BACH1: variants seen among roughly 807,000 people sequenced by gnomAD.
BACH1 encodes the protein BTB domain and CNC homolog 1.
BACH1 carries 35 observed loss-of-function variants against 52.9 expected under a neutral mutation model. That is an observed-to-expected ratio of 0.66 (90% CI 0.51 to 0.88). The LOEUF (loss-of-function observed/expected upper bound fraction) is 0.88, where lower values mean the gene tolerates loss of function less well. BACH1 is among the 40% of genes least tolerant of loss of function. The pLI is 0.00. For synonymous variants in BACH1, 321 were observed against 319.6 expected, an observed-to-expected ratio of 1.00 and a Z score of -0.05; for missense variants, 808 against 872.6, an observed-to-expected ratio of 0.93 and a Z score of 0.93.
chr21:29,323,437 C>T (rs1308443314), intron 2 of BACH1, among the ~76,000 whole-genome samples: 5 of 152,170 alleles, frequency 3.3e-5, no homozygotes, highest in Non-Finnish European at 5.9e-5. Flanking sequence ...GTCCAAAGGC[C>T]AAAGAACCTG....
In BACH1 at chr21:29,327,505, A is replaced by G; in HGVS notation, c.1569+112A>G. Reference sequence around the variant, plus strand: ...ATATAATCAGGTTCAGGGAGTGGGGAGGAAACTCATACAAAATTAATTGTA... The same window carrying G: ...ATATAATCAGGTTCAGGGAGTGGGGGGGAAACTCATACAAAATTAATTGTA... On this transcript the variant is annotated intron_variant, in intron 3 of 4. Transcript: ENST00000286800. The G allele has an allele frequency of 8.6e-6, 12 of 1,397,198 alleles. No homozygotes were observed. The South Asian group carries it at 1.7e-4, about 20-fold the overall frequency. The allele number at this position is 1,397,198 out of a possible 1,614,324, so 86.6% of individuals were successfully genotyped here. A position where few individuals can be genotyped will look rare whatever the true frequency, so the allele number is the denominator to read the frequency against.
At chr21:29,303,057 C>T (rs2088620469) in intron 1 of BACH1, among the ~76,000 whole-genome samples, 1 of 152,192 alleles carries the variant, frequency 6.6e-6, no homozygotes, top group Admixed American at 6.5e-5. Context: ...TCCACCCCTC[C>T]CTTCTTGTTA....
At chr21:29,341,950 CTGTTA>C (rs1191633390) in intron 4 of BACH1, among the ~76,000 whole-genome samples, 1 of 152,112 alleles carries the variant, frequency 6.6e-6, no homozygotes, top group Non-Finnish European at 1.5e-5. Flanking sequence ...CCATCCATAC[CTGTTA>C]TGTACAGTCT....
At chr21:29,354,666 C>T (rs1004399177) in intron 2 of BACH1, among the ~76,000 whole-genome samples, 10 of 152,114 alleles carry the variant, frequency 6.6e-5, no homozygotes, top group African/African-American at 1.9e-4. Flanking sequence ...ATGGTGAACA[C>T]GAGGTCAGAG....
intron 2 of BACH1, chr21:29,352,519 G>T (rs1434347422): frequency 6.6e-6 from 1 of 152,012 alleles, no homozygotes; most frequent in African/African-American, 2.4e-5. Flanking sequence ...CTCACACCTC[G>T]TGAAAATTCA....
chr21:29,352,845 G>A (rs1190824836), intron 2 of BACH1, among the ~76,000 whole-genome samples: 1 of 151,994 alleles, frequency 6.6e-6, no homozygotes, highest in African/African-American at 2.4e-5. Context: ...CCAAGTAGCT[G>A]GGACTACAGG....
rs191317718 is a variant in BACH1 at position 29,300,589 on chromosome 21, C to T, written c.-61+1636C>T. Among the ~76,000 whole-genome samples, 4 of 152,256 alleles carry T rather than the reference C, an allele frequency of 2.6e-5. No individual in the cohort carries two copies. The East Asian group carries it at 7.7e-4, about 29-fold the overall frequency. ...AAATTTGCGCTGGAGAGAGCTAAAA[C>T]TGGGGAAGAAATTTGCAGCTAGGGG... On this transcript the variant is annotated intron_variant, in intron 1 of 4. Transcript: ENST00000286800.
rs767704566 is a variant in BACH1, at chr21:29,326,624, T to C, written c.800T>C (p.Val267Ala). ...ERSENECLGG[V>A]PECRDLQVML... ...TCTGAAAATGAATGCCTGGGAGGAG[T>C]CCCGGAGTGTAGAGATTTGCAGGTG... Residue 267 changes from valine to alanine, a missense_variant, in exon 3 of 5, where the codon GTC (valine) becomes GCC (alanine). Physicochemically the swap from Val to Ala is moderately conservative, Grantham distance 64 (BLOSUM62 0). Transcript: ENST00000286800. The C allele has an allele frequency of 6.2e-7, 1 of 1,613,882 alleles. No homozygotes were observed.
At chr21:29,306,297 A>G (rs776997108) in intron 1 of BACH1, among the ~76,000 whole-genome samples, 3 of 151,920 alleles carry the variant, frequency 2.0e-5, no homozygotes, top group African/African-American at 7.3e-5. Context: ...TATGGTTGCA[A>G]GATGGCTGCC....
intron 1 of BACH1, among the ~76,000 whole-genome samples, chr21:29,311,681 T>C (rs1004361774): frequency 5.9e-5 from 9 of 152,224 alleles, no homozygotes; most frequent in African/African-American, 1.9e-4. Context: ...ATTCCACTTC[T>C]ACTGTTGATC....
In BACH1 at chr21:29,326,195, A is replaced by G. The variant is rs2088908144; in HGVS notation, c.371A>G (p.Gln124Arg). The change falls in exon 3 of 5, where the codon CAG becomes CGG. Residue 124 changes from glutamine (Q) to arginine (R), a missense_variant. By Grantham distance (43) the Gln-to-Arg change is conservative. Transcript: ENST00000286800. ...CATAATATTGAGGAATCCTGCTTTC[A>G]GTTTCTGAAATTTAAGTTTTTGGAC... ...SVHNIEESCF[Q>R]FLKFKFLDST... 1 of 1,614,220 alleles carries G rather than the reference A, an allele frequency of 6.2e-7. No individual in the cohort carries two copies. Among genetic ancestry groups the G allele is most frequent in the East Asian group, 2.2e-5 (1 of 44,888 alleles).
rs368731713 is a variant in BACH1 at position 29,311,107 on chromosome 21, G to A, written c.-60-10114G>A. 4.7e-4 allele frequency among the ~76,000 whole-genome samples: 71 copies of A among 152,232 alleles called. 1 individual carries two copies. Among genetic ancestry groups the A allele is most frequent in the African/African-American group, 1.4e-3 (58 of 41,556 alleles). ...TGGCAGTTCAACAGCTCATTTTTCT[G>A]GAGGATACCCTTAAAATTTTAACTG... On this transcript the variant is annotated intron_variant, in intron 1 of 4. Transcript: ENST00000286800.
intron 2 of BACH1, chr21:29,361,109 G>C (rs995896336): frequency 6.6e-6 from 1 of 152,146 alleles, no homozygotes; most frequent in Non-Finnish European, 1.5e-5. Flanking sequence ...AACATAGTAG[G>C]GTCTCCAAAA....
At position 29,312,780 on chromosome 21, in the gene BACH1, A is replaced by G. The variant is rs566530486; in HGVS notation, c.-60-8441A>G. 1.1e-4 allele frequency among the ~76,000 whole-genome samples: 16 copies of G among 152,308 alleles called. No homozygotes were observed. The South Asian group carries it at 3.3e-3, about 32-fold the overall frequency. ...AAAGAATGCCTAAGTAAATGAAGAG[A>G]GATGCCATATTCATATACTGGAGGA... On this transcript the variant is annotated intron_variant, in intron 1 of 4. Coordinates refer to ENST00000286800, the MANE Select transcript of BACH1 (RefSeq NM_001186.4).
At chr21:29,321,574 A>G in intron 2 of BACH1, 60 bp downstream of exon 2, 3 of 1,469,482 alleles carry the variant, frequency 2.0e-6, no homozygotes, top group South Asian at 1.2e-5. Flanking sequence ...TTTATGGTTC[A>G]TAATGTTGAA....
chr21:29,334,282 T>G (rs766313328), intron 4 of BACH1, among the ~76,000 whole-genome samples: 11 of 152,014 alleles, frequency 7.2e-5, no homozygotes, highest in African/African-American at 2.7e-4. Flanking sequence ...ATATTTTTAG[T>G]AGAGACGGGG....
In BACH1 at chr21:29,342,501, G is replaced by A; in HGVS notation, c.1879G>A (p.Glu627Lys). The A allele has an allele frequency of 1.2e-6, 2 of 1,614,262 alleles. No individual in the cohort carries two copies. The highest frequency in any genetic ancestry group is 1.7e-6 in the Non-Finnish European group (2 of 1,180,046). ...TGGACTTTGCCAGAAAGTTTGTAAA[G>A]AAGCAGCTCTGAGTCAAGAACAAAT... ...LTGLCQKVCKEAALSQEQIQI... is the reference protein window; with the variant it reads ...LTGLCQKVCKKAALSQEQIQI... Residue 627 changes from glutamate to lysine, a missense_variant, in exon 5 of 5, where the codon GAA (glutamate) becomes AAA (lysine). Physicochemically the swap from Glu to Lys is moderately conservative, Grantham distance 56 (BLOSUM62 1). Transcript: ENST00000286800.
chr21:29,357,355 C>T (rs1002186956), intron 2 of BACH1, among the ~76,000 whole-genome samples: 5 of 152,174 alleles, frequency 3.3e-5, no homozygotes, highest in African/African-American at 1.2e-4. Context: ...TCATGTCAGG[C>T]GGCCTAAGTC....
At position 29,302,353 on chromosome 21, in the gene BACH1, C is replaced by A. The variant is rs79205842; in HGVS notation, c.-61+3400C>A. Reference sequence around the variant, plus strand: ...GGACTGCAGCTAAAACATTGACTTACACTCTCCTGAAGCCCAGGCACCTGG... The same window carrying A: ...GGACTGCAGCTAAAACATTGACTTAAACTCTCCTGAAGCCCAGGCACCTGG... On this transcript the variant is annotated intron_variant, in intron 1 of 4. Coordinates refer to ENST00000286800, the MANE Select transcript of BACH1 (RefSeq NM_001186.4). Among the ~76,000 whole-genome samples the A allele has an allele frequency of 7.2e-4, 110 of 152,326 alleles. No homozygotes were observed. In the East Asian group the frequency reaches 0.02, roughly 28 times the overall value.
Sources: gnomAD v4.1 joint callset for allele counts (sites outside exome capture counted in the v4.1 genomes callset) on GRCh38, gnomAD v4.1.1 for gene constraint, MANE v1.5 for transcripts, NCBI Gene and HGNC (gene_info 2026-07-23, HGNC 2026-07-21) for gene names.